The following MYOF variants were observed in gnomAD, a reference collection of about 807,000 sequenced individuals.
The protein encoded by MYOF is myoferlin.
MYOF carries 244 observed loss-of-function variants against 284.2 expected under a neutral mutation model. The observed-to-expected ratio is 0.86, with a 90% CI of 0.77 to 0.95. MYOF has a LOEUF of 0.95. Ranked by LOEUF, MYOF falls within the 40% of genes least tolerant of loss-of-function variation. The probability of loss-of-function intolerance (pLI) is 0.00; values close to 1 mark genes in which losing one functional copy is unlikely to be tolerated. For synonymous variants in MYOF, 904 were observed against 919.7 expected (o/e 0.98, Z 0.31); for missense variants, 2,496 against 2,560.6 (o/e 0.97, Z 0.54).
intron 39 of MYOF, 150 bp from the exon 40 acceptor site, chr10:93,338,063 G>T: frequency 1.6e-6 from 1 of 640,410 alleles, no homozygotes. Flanking sequence ...ATGCACAATG[G>T]ACAAAGCATT....
rs772182328 is a variant in MYOF, at chr10:93,402,238, C to T, written c.984G>A (p.Glu328=). The T allele has an allele frequency of 2.6e-5, 42 of 1,613,498 alleles. No individual in the cohort carries two copies. Among genetic ancestry groups the T allele is most frequent in the Non-Finnish European group, 3.5e-5 (41 of 1,179,460 alleles). The stretch of plus-strand genomic sequence containing the variant: ...AGAGAATGTAGGGACTCACAGGAGG[C>T]TCATCTCCGGTTCCCAGGACAAACA... ...VSMFVLGTGD[E]PPPERRDRDN... The change falls in exon 11 of 54, where the codon GAG becomes GAA. Residue 328 remains glutamate, a synonymous_variant. Coordinates refer to ENST00000359263, the MANE Select transcript of MYOF (RefSeq NM_013451.4).
chr10:93,440,978 T>A (rs1301021968), intron 3 of MYOF, among the ~76,000 whole-genome samples: 2 of 152,208 alleles, frequency 1.3e-5, no homozygotes, highest in Admixed American at 6.5e-5. Context: ...CCAGCTCAGA[T>A]CATTTCAGTG....
intron 4 of MYOF, among the ~76,000 whole-genome samples, chr10:93,428,767 G>T (rs1340889822): frequency 6.6e-6 from 1 of 152,182 alleles, no homozygotes; most frequent in Non-Finnish European, 1.5e-5. Context: ...AATCATAAGA[G>T]CAGCATCTCA....
chr10:93,482,276 A>G lies in MYOF; in HGVS notation c.-82T>C. The G allele has an allele frequency of 8.4e-7, 1 of 1,186,150 alleles. No homozygotes were observed. 73.5% of individuals were successfully genotyped at this position (1,186,150 alleles called of 1,614,324 possible). On this transcript the variant is annotated 5_prime_UTR_variant, in exon 1 of 54. Transcript: ENST00000359263. ...GAGCTCCGGGTCGCACCGCCCTGGGAGAGAAGTTCTCTCCCAGTGAAGGGA... is the reference window on the plus strand; with the variant it reads ...GAGCTCCGGGTCGCACCGCCCTGGGGGAGAAGTTCTCTCCCAGTGAAGGGA...
intron 19 of MYOF, among the ~76,000 whole-genome samples, chr10:93,383,413 C>A (rs1021876186): frequency 2.6e-5 from 4 of 152,132 alleles, no homozygotes; most frequent in African/African-American, 9.7e-5. Context: ...GGTTTGTAAC[C>A]TGAGCTGCAC....
chr10:93,432,402 G>GAAAAAT, intron 3 of MYOF, among the ~76,000 whole-genome samples: 1 of 151,760 alleles, frequency 6.6e-6, no homozygotes, highest in Non-Finnish European at 1.5e-5. Flanking sequence ...AAAAGAAAAA[G>GAAAAAT]AAAAAAGAAA....
intron 16 of MYOF, 51 bp from the exon 17 acceptor site, chr10:93,393,006 A>C (rs1041397906): frequency 1.3e-6 from 2 of 1,497,736 alleles, no homozygotes; most frequent in African/African-American, 1.4e-5. Flanking sequence ...GGGCATTATA[A>C]AACAGACATT....
intron 48 of MYOF, among the ~76,000 whole-genome samples, chr10:93,321,633 C>T (rs1025182741): frequency 1.3e-5 from 2 of 152,156 alleles, no homozygotes; most frequent in Non-Finnish European, 2.9e-5. Flanking sequence ...GCCTCACCTC[C>T]TGACCCACCC....
At chr10:93,360,291 G>A (rs966189185) in intron 28 of MYOF, among the ~76,000 whole-genome samples, 41 of 152,340 alleles carry the variant, frequency 2.7e-4, no homozygotes, top group African/African-American at 8.2e-4. Context: ...GCAGGTAAGC[G>A]TGTGGACTGT....
intron 32 of MYOF, 82 bp downstream of exon 32, chr10:93,353,729 A>G (rs1365541702): frequency 7.6e-6 from 9 of 1,176,584 alleles, no homozygotes; most frequent in Non-Finnish European, 9.7e-6. Context: ...GTTAGAAATG[A>G]CAAAAAGCAT....
chr10:93,449,869 C>T (rs1269369257), intron 3 of MYOF, among the ~76,000 whole-genome samples: 1 of 152,104 alleles, frequency 6.6e-6, no homozygotes, highest in Non-Finnish European at 1.5e-5. Context: ...AGGATGTCAT[C>T]AAAGGCGAAG....
intron 11 of MYOF, among the ~76,000 whole-genome samples, 166 bp downstream of exon 11, chr10:93,402,066 C>A (rs1440110081): frequency 6.6e-6 from 1 of 152,142 alleles, no homozygotes; most frequent in East Asian, 1.9e-4. Flanking sequence ...TAAGCTAGAA[C>A]AATAATTCCA....
At chr10:93,362,624 A>G (rs1329871001) in intron 27 of MYOF, among the ~76,000 whole-genome samples, 1 of 152,178 alleles carries the variant, frequency 6.6e-6, no homozygotes, top group East Asian at 1.9e-4. Context: ...ATTTATCTAA[A>G]ATATTGACTT....
intron 39 of MYOF, among the ~76,000 whole-genome samples, chr10:93,339,914 C>T (rs574128128): frequency 6.6e-6 from 1 of 152,152 alleles, no homozygotes; most frequent in Non-Finnish European, 1.5e-5. Context: ...CCCGTCTCTA[C>T]TAAAAATACA....
At chr10:93,470,503 C>A (rs1301740935) in intron 1 of MYOF, among the ~76,000 whole-genome samples, 3 of 151,966 alleles carry the variant, frequency 2.0e-5, no homozygotes, top group Non-Finnish European at 4.4e-5. Flanking sequence ...CAGGTTCGAG[C>A]CATTCTCCTG....
At chr10:93,314,369 A>G (rs1278858733) in intron 50 of MYOF, among the ~76,000 whole-genome samples, 1 of 152,180 alleles carries the variant, frequency 6.6e-6, no homozygotes, top group Non-Finnish European at 1.5e-5. Context: ...GATTACAGGC[A>G]TGACCCACTG....
chr10:93,476,271 T>TTA (rs1815874446), intron 1 of MYOF, among the ~76,000 whole-genome samples: 1 of 109,752 alleles, frequency 9.1e-6, no homozygotes, highest in East Asian at 2.3e-4. Flanking sequence ...TTTTTTTTTT[T>TTA]AGATGGAGTC....
At chr10:93,407,152 G>A (rs369442105) in intron 7 of MYOF, among the ~76,000 whole-genome samples, 45 of 152,284 alleles carry the variant, frequency 3.0e-4, no homozygotes, top group African/African-American at 9.1e-4. Flanking sequence ...GAGGCAGGGC[G>A]CAGTGGCTCA....
chr10:93,317,393 T>C (rs1257782321), intron 49 of MYOF, among the ~76,000 whole-genome samples: 1 of 151,908 alleles, frequency 6.6e-6, no homozygotes, highest in Non-Finnish European at 1.5e-5. Flanking sequence ...ATCCCAATAC[T>C]TTGGGAGGCC....
Sources: gnomAD v4.1 joint callset for allele counts (sites outside exome capture counted in the v4.1 genomes callset) on GRCh38, gnomAD v4.1.1 for gene constraint, MANE v1.5 for transcripts, NCBI Gene and HGNC (gene_info 2026-07-23, HGNC 2026-07-21) for gene names.